OSBP2: variants seen among roughly 807,000 people sequenced by gnomAD.
OSBP2 encodes the protein oxysterol binding protein 2, also known as oxysterol-binding protein 2.
In OSBP2, 66 loss-of-function variants were observed where a neutral mutation model predicts 96.0. That is an observed-to-expected ratio of 0.69 (90% CI 0.56 to 0.84). The LOEUF (loss-of-function observed/expected upper bound fraction) is 0.84. Among genes scored for constraint, OSBP2 ranks in the 40% least tolerant of loss-of-function variants. The pLI is 0.00. For synonymous variants in OSBP2, 525 were observed against 520.9 expected, an observed-to-expected ratio of 1.01 and a Z score of -0.11; for missense variants, 1,038 against 1,222.7, an observed-to-expected ratio of 0.85 and a Z score of 2.25.
intron 1 of OSBP2, among the ~76,000 whole-genome samples, chr22:30,699,883 G>C (rs1260588794): frequency 6.6e-6 from 1 of 151,996 alleles, no homozygotes; most frequent in East Asian, 1.9e-4. Context: ...GTATTTCTAT[G>C]AGATATGGAT....
At chr22:30,796,799 C>T (rs560858153) in intron 2 of OSBP2, among the ~76,000 whole-genome samples, 10 of 152,334 alleles carry the variant, frequency 6.6e-5, no homozygotes, top group African/African-American at 1.9e-4. Flanking sequence ...TGAGCCACGG[C>T]ACCCAGCCAA....
chr22:30,863,863 C>T (rs1432832512), intron 2 of OSBP2, among the ~76,000 whole-genome samples: 2 of 152,068 alleles, frequency 1.3e-5, no homozygotes, highest in African/African-American at 4.8e-5. Flanking sequence ...GGGAGCAGCG[C>T]GAGGCTTCTC....
Position 30,905,895 on chromosome 22 carries a change from G to A in OSBP2, c.2434G>A (p.Glu812Lys), listed in dbSNP as rs758531103. The change falls in exon 13 of 14, where the codon GAG becomes AAG. Residue 812 changes from glutamate (E) to lysine (K), a missense_variant. By Grantham distance (56) the Glu-to-Lys change is moderately conservative (BLOSUM62 1). This residue lies in a region of OSBP2 where 737 missense variants were observed against 913.3 expected (regional missense o/e 0.81). Coordinates refer to ENST00000332585, the MANE Select transcript of OSBP2 (RefSeq NM_030758.4). ...GCTGGCCCTGACCCTCAACGAGCAC[G>A]AGGAGGGCGTAGCGCCAACCGACAG... ...SELALTLNEHEEGVAPTDSRL... is the reference protein window; with the variant it reads ...SELALTLNEHKEGVAPTDSRL... 1.9e-6 allele frequency: 3 copies of A among 1,613,276 alleles called. No homozygotes were observed. Among genetic ancestry groups the A allele is most frequent in the Non-Finnish European group, 2.5e-6 (3 of 1,179,714 alleles).
chr22:30,748,291 G>A (rs1203628639), intron 2 of OSBP2, among the ~76,000 whole-genome samples: 5 of 152,112 alleles, frequency 3.3e-5, no homozygotes, highest in African/African-American at 1.2e-4. Context: ...GGCCGGTCTT[G>A]AACTCCTGAC....
At chr22:30,851,955 A>G (rs946960036) in intron 2 of OSBP2, among the ~76,000 whole-genome samples, 2 of 152,096 alleles carry the variant, frequency 1.3e-5, no homozygotes, top group Non-Finnish European at 2.9e-5. Flanking sequence ...TTGAATTTAC[A>G]TTTTTCTTGA....
At chr22:30,798,510 G>C (rs1285365104) in intron 2 of OSBP2, among the ~76,000 whole-genome samples, 3 of 152,132 alleles carry the variant, frequency 2.0e-5, no homozygotes, top group Non-Finnish European at 2.9e-5. Flanking sequence ...CCAATGTTGT[G>C]AAGCTTTTGC....
intron 2 of OSBP2, among the ~76,000 whole-genome samples, chr22:30,858,754 T>C (rs1248662164): frequency 7.9e-5 from 12 of 151,200 alleles, no homozygotes; most frequent in Admixed American, 3.3e-4. Flanking sequence ...TGGTGGATGC[T>C]TGTAATCCCA....
chr22:30,884,975 T>G (rs1347581452), intron 3 of OSBP2, among the ~76,000 whole-genome samples: 12 of 152,024 alleles, frequency 7.9e-5, no homozygotes, highest in Admixed American at 7.9e-4. Flanking sequence ...GCTGCAGAGG[T>G]CTGAGGAGTG....
intron 2 of OSBP2, among the ~76,000 whole-genome samples, chr22:30,828,802 G>C (rs1400966968): frequency 2.6e-5 from 4 of 152,136 alleles, no homozygotes; most frequent in Non-Finnish European, 5.9e-5. Context: ...GGGAGAGGTG[G>C]GCAGAGCAGG....
In OSBP2 at chr22:30,894,019, G is replaced by A. The variant is rs1483352900; in HGVS notation, c.2375+18G>A. ...CCGCTGCCGTGAGTAGGGCTGGCAG[G>A]GGCCCCGCCACAGGCAAAGGAGAGG... On this transcript the variant is annotated intron_variant, in intron 12 of 13. Transcript: ENST00000332585. 1.9e-6 allele frequency: 3 copies of A among 1,577,718 alleles called. No individual in the cohort carries two copies. The highest frequency in any genetic ancestry group is 2.6e-6 in the Non-Finnish European group (3 of 1,164,112).
chr22:30,828,020 GACC>G (rs537956975), intron 2 of OSBP2, among the ~76,000 whole-genome samples: 1 of 152,264 alleles, frequency 6.6e-6, no homozygotes, highest in East Asian at 1.9e-4. Context: ...ATGGCCTGGG[GACC>G]CGCTGAACTC....
intron 2 of OSBP2, among the ~76,000 whole-genome samples, chr22:30,746,386 T>C (rs1458532392): frequency 6.6e-6 from 1 of 151,388 alleles, no homozygotes. Flanking sequence ...ATTTCACCAC[T>C]GCACTTCAGC....
chr22:30,698,537 C>T lies in OSBP2; in HGVS notation c.644+2984C>T, dbSNP rs145923640. On this transcript the variant is annotated intron_variant, in intron 1 of 13. Coordinates refer to ENST00000332585, the MANE Select transcript of OSBP2 (RefSeq NM_030758.4). Reference sequence around the variant, plus strand: ...CACTGCAATCTCTGCCTCCCAGGTTCGAGCTATTCCCCTGCCTCAGCCTCC... The same window carrying T: ...CACTGCAATCTCTGCCTCCCAGGTTTGAGCTATTCCCCTGCCTCAGCCTCC... Among the ~76,000 whole-genome samples, 237 of 151,574 alleles carry T rather than the reference C, an allele frequency of 1.6e-3. 1 individual carries two copies. Among genetic ancestry groups the T allele is most frequent in the African/African-American group, 5.6e-3 (232 of 41,248 alleles).
intron 8 of OSBP2, among the ~76,000 whole-genome samples, chr22:30,892,734 T>C (rs1336965166): frequency 6.6e-6 from 1 of 152,110 alleles, no homozygotes; most frequent in African/African-American, 2.4e-5. Context: ...TGGTATAACA[T>C]GGCACAGCAG....
chr22:30,822,569 A>C, intron 2 of OSBP2: 1 of 1,492,788 alleles, frequency 6.7e-7, no homozygotes, highest in Non-Finnish European at 9.0e-7. Context: ...GCGTCCGTGC[A>C]AGCCCCCGGG....
rs1489042127 is a variant in OSBP2, at chr22:30,695,434, C to G, written c.525C>G (p.Ala175=). The G allele has an allele frequency of 1.9e-6, 3 of 1,613,708 alleles. No homozygotes were observed. The highest frequency in any genetic ancestry group is 2.5e-6 in the Non-Finnish European group (3 of 1,180,008). Residue 175 remains alanine, a synonymous_variant, in exon 1 of 14, where the codon GCC becomes GCG. Coordinates refer to ENST00000332585, the MANE Select transcript of OSBP2 (RefSeq NM_030758.4). ...PMSGTGTTSS[A]PLALLPLDSF... ...CGGGGACTGGCACGACCTCCAGTGC[C>G]CCACTGGCCTTACTGCCTCTGGACA...
At chr22:30,819,060 T>A (rs2091117112) in intron 2 of OSBP2, among the ~76,000 whole-genome samples, 1 of 152,150 alleles carries the variant, frequency 6.6e-6, no homozygotes. Flanking sequence ...GTGGGCCAGG[T>A]GCTGTGGCTC....
chr22:30,800,269 G>A (rs752387155), intron 2 of OSBP2, among the ~76,000 whole-genome samples: 20 of 152,116 alleles, frequency 1.3e-4, no homozygotes, highest in Non-Finnish European at 1.9e-4. Flanking sequence ...CTTACGAGAG[G>A]GGGCAGGGAC....
At chr22:30,772,400 G>T (rs1170941230) in intron 2 of OSBP2, among the ~76,000 whole-genome samples, 1 of 152,242 alleles carries the variant, frequency 6.6e-6, no homozygotes, top group Non-Finnish European at 1.5e-5. Flanking sequence ...AGCCACAAAT[G>T]AGCCCATCTT....
Sources: gnomAD v4.1 joint callset for allele counts (sites outside exome capture counted in the v4.1 genomes callset) on GRCh38, gnomAD v4.1.1 for gene constraint, gnomAD v4.1.1 regional missense constraint, MANE v1.5 for transcripts, NCBI Gene and HGNC (gene_info 2026-07-23, HGNC 2026-07-21) for gene names.